The following CCDC13 variants were observed in gnomAD, a reference collection of about 807,000 sequenced individuals.
The protein encoded by CCDC13 is coiled-coil domain-containing protein 13.
Under a neutral mutation model 87.3 loss-of-function variants are expected in CCDC13, and 70 were observed. That is an observed-to-expected ratio of 0.80 (90% CI 0.66 to 0.98). CCDC13 has a LOEUF of 0.98. Ranked by LOEUF, CCDC13 falls within the 50% of genes least tolerant of loss-of-function variation. CCDC13 has a pLI of 0.00. For missense variants in CCDC13, 842 were observed against 892.0 expected (o/e 0.94, Z 0.71); for synonymous variants, 317 against 360.3 (o/e 0.88, Z 1.36).
chr3:42,736,695 C>T lies in CCDC13; in HGVS notation c.1165-782G>A, dbSNP rs182617147. 2.6e-5 allele frequency among the ~76,000 whole-genome samples: 4 copies of T among 152,184 alleles called. No individual in the cohort carries two copies. The East Asian group carries it at 7.7e-4, about 29-fold the overall frequency. ...TTCTGGTCTTCTGTGCCCCGCTCAC[C>T]ACCCTATCATGTAAAGTGATCATGA... On this transcript the variant is annotated intron_variant, in intron 9 of 15. Transcript: ENST00000310232.
Position 42,707,386 on chromosome 3 carries a change from G to A in CCDC13, c.*1594C>T, listed in dbSNP as rs1575260719. Among the ~76,000 whole-genome samples, 1 of 152,158 alleles carries A rather than the reference G, an allele frequency of 6.6e-6. No homozygotes were observed. The highest frequency in any genetic ancestry group is 1.5e-5 in the Non-Finnish European group (1 of 68,028). On this transcript the variant is annotated 3_prime_UTR_variant, in exon 16 of 16. Coordinates refer to ENST00000310232, the MANE Select transcript of CCDC13 (RefSeq NM_144719.4). Reference sequence around the variant, plus strand: ...ACCAGAATCATCAGTTCATCCCGGTGGCCTTTGCTCTAACTTGCTGTGGGA... The same window carrying A: ...ACCAGAATCATCAGTTCATCCCGGTAGCCTTTGCTCTAACTTGCTGTGGGA...
rs544603189 is a variant in CCDC13 at position 42,730,490 on chromosome 3, C to T, written c.1695G>A (p.Glu565=). The T allele has an allele frequency of 1.9e-6, 3 of 1,614,098 alleles. No homozygotes were observed. In the South Asian group the frequency reaches 3.3e-5, roughly 18 times the overall value. The stretch of plus-strand genomic sequence containing the variant: ...ACCGTTTCTGCAGGACAGTGACAAA[C>T]TCGGTGAGCCGGTCACGCTCCACCT... ...AAEVERDRLT[E]FVTVLQKRVE... The change falls in exon 13 of 16, where the codon GAG becomes GAA. Residue 565 remains glutamate, a synonymous_variant. Coordinates refer to ENST00000310232, the MANE Select transcript of CCDC13 (RefSeq NM_144719.4).
At chr3:42,733,892 G>A (rs144749161) in intron 10 of CCDC13, among the ~76,000 whole-genome samples, 7 of 152,326 alleles carry the variant, frequency 4.6e-5, no homozygotes, top group South Asian at 2.1e-4. Flanking sequence ...CCCTGCATGC[G>A]GGGCAGGTCA....
chr3:42,760,649 C>A (rs1321026222), intron 1 of CCDC13, among the ~76,000 whole-genome samples: 1 of 152,054 alleles, frequency 6.6e-6, no homozygotes, highest in African/African-American at 2.4e-5. Flanking sequence ...GGCGAGGTTG[C>A]AGTGAGCCAA....
chr3:42,704,385 C>T (rs1477745675), downstream of CCDC13: 2 of 152,288 alleles, frequency 1.3e-5, no homozygotes, highest in Non-Finnish European at 2.9e-5. Flanking sequence ...TTACTTGACC[C>T]TGAGCTGGTG....
Position 42,736,196 on chromosome 3 carries a change from C to T in CCDC13, c.1165-283G>A, listed in dbSNP as rs548924234. Among the ~76,000 whole-genome samples the T allele has an allele frequency of 2.1e-4, 32 of 152,324 alleles. No individual in the cohort carries two copies. In the South Asian group the frequency reaches 6.2e-3, roughly 30 times the overall value. On this transcript the variant is annotated intron_variant, in intron 9 of 15. Transcript: ENST00000310232. ...CAACAGAAAGTAGATCAGATGGTGA[C>T]TCCTCACCCGGTGGGGGAGATATTT...
chr3:42,754,109 T>C (rs910401759), intron 3 of CCDC13, among the ~76,000 whole-genome samples: 16 of 152,240 alleles, frequency 1.1e-4, no homozygotes, highest in African/African-American at 3.9e-4. Flanking sequence ...AGGGAGTAAC[T>C]GGCAGTCCTA....
At chr3:42,718,273 T>A (rs1698477325) in intron 13 of CCDC13, 2 of 152,104 alleles carry the variant, frequency 1.3e-5, no homozygotes, top group South Asian at 2.1e-4. Flanking sequence ...CCTCTGGATG[T>A]CCTCACTGCT....
chr3:42,744,460 C>T (rs1013577351), intron 7 of CCDC13, among the ~76,000 whole-genome samples: 7 of 152,120 alleles, frequency 4.6e-5, no homozygotes, highest in African/African-American at 9.7e-5. Context: ...CCTCGTGTGG[C>T]GCTGTGAGGC....
At chr3:42,755,302 A>C (rs1201448108) in intron 3 of CCDC13, among the ~76,000 whole-genome samples, 1 of 152,220 alleles carries the variant, frequency 6.6e-6, no homozygotes, top group Non-Finnish European at 1.5e-5. Flanking sequence ...TGTCACTTGC[A>C]GCTCAGTTTA....
intron 1 of CCDC13, among the ~76,000 whole-genome samples, chr3:42,765,233 G>A (rs1699905899): frequency 6.6e-6 from 1 of 152,150 alleles, no homozygotes; most frequent in Non-Finnish European, 1.5e-5. Flanking sequence ...ATCACTGTAT[G>A]AAAAGTGGTG....
chr3:42,711,903 C>T (rs1698321246), intron 14 of CCDC13, among the ~76,000 whole-genome samples: 2 of 152,178 alleles, frequency 1.3e-5, no homozygotes, highest in Admixed American at 1.3e-4. Flanking sequence ...TGTGGCTTAG[C>T]TCTCCCTGGT....
intron 13 of CCDC13, among the ~76,000 whole-genome samples, chr3:42,716,596 A>T (rs1387970399): frequency 6.6e-6 from 1 of 152,270 alleles, no homozygotes; most frequent in African/African-American, 2.4e-5. Flanking sequence ...GATGCTCAAC[A>T]TCATTAGCCA....
At chr3:42,740,725 G>A (rs538385260) in intron 8 of CCDC13, among the ~76,000 whole-genome samples, 61 of 152,192 alleles carry the variant, frequency 4.0e-4, no homozygotes, top group Non-Finnish European at 8.2e-4. Flanking sequence ...AGCACAGTGA[G>A]TGAAGGGGCA....
intron 3 of CCDC13, among the ~76,000 whole-genome samples, chr3:42,755,612 G>C (rs545114391): frequency 6.6e-6 from 1 of 152,158 alleles, no homozygotes; most frequent in Admixed American, 6.5e-5. Context: ...GTCTCAAAAA[G>C]AAAAAAATTA....
At chr3:42,743,422 A>G (rs1699285312) in intron 7 of CCDC13, among the ~76,000 whole-genome samples, 1 of 146,670 alleles carries the variant, frequency 6.8e-6, no homozygotes. Flanking sequence ...TTATTTATTT[A>G]TTTATTTATT....
intron 13 of CCDC13, among the ~76,000 whole-genome samples, chr3:42,728,320 G>T (rs1054029260): frequency 3.9e-5 from 6 of 152,100 alleles, no homozygotes; most frequent in African/African-American, 1.4e-4. Context: ...CTGGGTGGGG[G>T]AGGGCAACTG....
At chr3:42,709,196 G>A (rs997910201) in intron 15 of CCDC13, 57 bp from the exon 16 acceptor site, 7 of 1,524,148 alleles carry the variant, frequency 4.6e-6, no homozygotes, top group African/African-American at 1.4e-5. Flanking sequence ...GTGTGCGTGG[G>A]TGACAGAGGG....
At chr3:42,747,568 G>A (rs1485274148) in intron 5 of CCDC13, among the ~76,000 whole-genome samples, 195 bp from the exon 6 acceptor site, 1 of 152,212 alleles carries the variant, frequency 6.6e-6, no homozygotes, top group Non-Finnish European at 1.5e-5. Flanking sequence ...GGAGGGTGGT[G>A]GAAGGTAAGT....
Sources: allele counts gnomAD v4.1 joint callset (sites outside exome capture counted in the v4.1 genomes callset), GRCh38; gene constraint gnomAD v4.1.1; transcripts MANE v1.5; gene names NCBI Gene and HGNC (gene_info 2026-07-23, HGNC 2026-07-21).